Variants in ZMIZ2 observed in about 807,000 individuals in gnomAD.
The protein encoded by ZMIZ2 is zinc finger MIZ-type containing 2.
Under a neutral mutation model 93.9 loss-of-function variants are expected in ZMIZ2, and 26 were observed. That is an observed-to-expected ratio of 0.28 (90% CI 0.20 to 0.38). ZMIZ2 has a LOEUF of 0.38. ZMIZ2 is among the 10% of genes least tolerant of loss of function. ZMIZ2 has a pLI of 1.00. For synonymous variants in ZMIZ2, 485 were observed against 516.4 expected (o/e 0.94, Z 0.82); for missense variants, 1,023 against 1,235.0 (o/e 0.83, Z 2.57).
intron 1 of ZMIZ2, among the ~76,000 whole-genome samples, chr7:44,751,280 C>T (rs1415743952): frequency 1.3e-5 from 2 of 152,246 alleles, no homozygotes; most frequent in Admixed American, 1.3e-4. Context: ...ACTACAGTTC[C>T]TGGACCAGCA....
At chr7:44,760,815 C>T (rs531899747) in intron 9 of ZMIZ2, among the ~76,000 whole-genome samples, 7 of 147,634 alleles carry the variant, frequency 4.7e-5, no homozygotes, top group African/African-American at 1.8e-4. Flanking sequence ...TGCCACTGCA[C>T]TTCAACCTGG....
intron 11 of ZMIZ2, 109 bp downstream of exon 11, chr7:44,762,014 A>AGCG (rs2116827978): frequency 7.7e-7 from 1 of 1,305,262 alleles, no homozygotes; most frequent in East Asian, 2.9e-5. Flanking sequence ...GGCCTGGCCC[A>AGCG]GCGGCGCAGT....
At chr7:44,762,035 C>T (rs1458161867) in intron 11 of ZMIZ2, 130 bp downstream of exon 11, 33 of 1,231,580 alleles carry the variant, frequency 2.7e-5, no homozygotes, top group Non-Finnish European at 3.4e-5. Context: ...GGGAGCGGAG[C>T]CAGGACATGG....
In ZMIZ2 at chr7:44,769,331, CTG is replaced by C. The variant is rs1329020490; in HGVS notation, c.*1711_*1712del. ...GGAGGCACTAGAGGAGGGCATCTGT[CTG>C]TGGGAGCCCAGAGGCTGCAGGGAGG... On this transcript the variant is annotated 3_prime_UTR_variant, in exon 19 of 19. Coordinates refer to ENST00000309315, the MANE Select transcript of ZMIZ2 (RefSeq NM_031449.4). 8 of 152,836 alleles carry C rather than the reference CTG, an allele frequency of 5.2e-5. No homozygotes were observed. The highest frequency in any genetic ancestry group is 8.8e-5 in the Non-Finnish European group (6 of 68,356). 9.5% of individuals were successfully genotyped at this position (152,836 alleles called of 1,614,324 possible).
In ZMIZ2 at chr7:44,761,323, C is replaced by T; in HGVS notation, c.1241-126C>T. The T allele has an allele frequency of 6.9e-7, 1 of 1,453,642 alleles. No homozygotes were observed. Among genetic ancestry groups the T allele is most frequent in the Non-Finnish European group, 9.1e-7 (1 of 1,094,936 alleles). 90.0% of individuals were successfully genotyped at this position (1,453,642 alleles called of 1,614,324 possible). A position where few individuals can be genotyped will look rare whatever the true frequency, so the allele number is the denominator to read the frequency against. On this transcript the variant is annotated intron_variant, in intron 9 of 18. Coordinates refer to ENST00000309315, the MANE Select transcript of ZMIZ2 (RefSeq NM_031449.4). This position sits in a 1 kb window ranked among gnomAD's most constrained non-coding sequence, Gnocchi z 5.8. ...CTCAGGCCTGCCAAGCAGTGCCTGACAGGAGGGGCTCCCTTCACCAAGGTC... is the reference window on the plus strand; with the variant it reads ...CTCAGGCCTGCCAAGCAGTGCCTGATAGGAGGGGCTCCCTTCACCAAGGTC...
chr7:44,761,813 G>T lies in ZMIZ2; in HGVS notation c.1504G>T (p.Asp502Tyr). The stretch of plus-strand genomic sequence containing the variant: ...CACGCCGCTCACCATCGAGCGTGGC[G>T]ACAACAAGACCTCGCACAAGCCACT... Reference protein sequence around the residue: ...NATPLTIERGDNKTSHKPLYL... With the variant: ...NATPLTIERGYNKTSHKPLYL... The change falls in exon 11 of 19, where the codon GAC becomes TAC. Residue 502 changes from aspartate to tyrosine, a missense_variant. Transcript: ENST00000309315. The surrounding 1 kb of genome is among the most constrained non-coding windows in gnomAD (Gnocchi z 5.8). 1 of 1,613,718 alleles carries T rather than the reference G, an allele frequency of 6.2e-7. No homozygotes were observed. The highest frequency in any genetic ancestry group is 8.5e-7 in the Non-Finnish European group (1 of 1,180,016).
In ZMIZ2 at chr7:44,767,914, C is replaced by T. The variant is rs1791879298; in HGVS notation, c.*291C>T. The T allele has an allele frequency of 2.0e-6, 1 of 496,294 alleles. No homozygotes were observed. Among genetic ancestry groups the T allele is most frequent in the Non-Finnish European group, 3.7e-6 (1 of 270,028 alleles). The allele number at this position is 496,294 out of a possible 1,614,324, so 30.7% of individuals were successfully genotyped here. On this transcript the variant is annotated 3_prime_UTR_variant, in exon 19 of 19. Transcript: ENST00000309315. Reference sequence around the variant, plus strand: ...GCCCAGCCCTGTCCAGCCTTGTCCACACACACATCTCACGCCCCTGGTCTC... The same window carrying T: ...GCCCAGCCCTGTCCAGCCTTGTCCATACACACATCTCACGCCCCTGGTCTC...
Position 44,759,313 on chromosome 7 carries a change from C to T in ZMIZ2, c.846C>T (p.Gly282=). 1 of 1,583,150 alleles carries T rather than the reference C, an allele frequency of 6.3e-7. No individual in the cohort carries two copies. Among genetic ancestry groups the T allele is most frequent in the Admixed American group, 1.8e-5 (1 of 55,072 alleles). ...VYPGQQYLQG[G]QYAPSTAQFA... ...CAGGGCAGCAGTATCTGCAAGGAGG[C>T]CAGTATGCACCCAGCACCGCCCAGT... The change falls in exon 7 of 19, where the codon GGC becomes GGT. Residue 282 remains glycine (G), a synonymous_variant. Transcript: ENST00000309315.
Position 44,761,662 on chromosome 7 carries a change from G to C in ZMIZ2, c.1386-33G>C. ...TCCTCCTCCCACACTCTCAGGGCCC[G>C]TTTTCTGGGTGTCCACCCATCTTCC... On this transcript the variant is annotated intron_variant, in intron 10 of 18. Coordinates refer to ENST00000309315, the MANE Select transcript of ZMIZ2 (RefSeq NM_031449.4). The surrounding 1 kb of genome is among the most constrained non-coding windows in gnomAD (Gnocchi z 5.8). The C allele has an allele frequency of 6.2e-7, 1 of 1,613,630 alleles. No individual in the cohort carries two copies. The highest frequency in any genetic ancestry group is 8.5e-7 in the Non-Finnish European group (1 of 1,179,760).
rs1198969937 is a variant in ZMIZ2, at chr7:44,757,092, T to C, written c.311T>C (p.Val104Ala). 3.1e-6 allele frequency: 5 copies of C among 1,606,684 alleles called. No homozygotes were observed. Among genetic ancestry groups the C allele is most frequent in the Non-Finnish European group, 4.2e-6 (5 of 1,177,944 alleles). Residue 104 changes from valine to alanine, a missense_variant, in exon 4 of 19, where the codon GTG becomes GCG. Transcript: ENST00000309315. Reference protein sequence around the residue: ...FAEGGANKGYVQQGVYSRGGY... With the variant: ...FAEGGANKGYAQQGVYSRGGY... ...GAAGGCGGCGCCAACAAGGGCTACG[T>C]GCAGCAAGGCGTGTACAGCCGCGGG...
chr7:44,761,866 CCG>C lies in ZMIZ2; in HGVS notation c.1559_1560del (p.Arg520GlnfsTer42). On this transcript the variant is annotated frameshift_variant, in exon 11 of 19. Transcript: ENST00000309315. LOFTEE classifies it high-confidence loss of function. The surrounding 1 kb of genome is among the most constrained non-coding windows in gnomAD (Gnocchi z 5.8). ...LYLKHVCQPG[R>X]NTIQITVTAC... ...ACCTGAAGCATGTGTGCCAGCCAGG[CCG>C]CAACACCATCCAGATCACCGTCACC... The C allele has an allele frequency of 6.2e-7, 1 of 1,613,938 alleles. No homozygotes were observed. Among genetic ancestry groups the C allele is most frequent in the Non-Finnish European group, 8.5e-7 (1 of 1,180,020 alleles).
intron 1 of ZMIZ2, among the ~76,000 whole-genome samples, chr7:44,752,869 C>T (rs182523922): frequency 3.3e-4 from 51 of 152,314 alleles, no homozygotes; most frequent in African/African-American, 1.1e-3. Context: ...GAGATAAATG[C>T]GTACAAGTGC....
At position 44,760,523 on chromosome 7, in the gene ZMIZ2, C is replaced by G; in HGVS notation, c.1170C>G (p.Asn390Lys). ...PSSSVPYMSP[N>K]QEVKSPFLPD... ...GCAGCGTCCCTTACATGTCACCAAA[C>G]CAAGAGGTCAAGTCTCCCTTCTTGC... Residue 390 changes from asparagine to lysine, a missense_variant, in exon 9 of 19, where the codon AAC (asparagine) becomes AAG (lysine). Asn to Lys is a moderately conservative substitution (Grantham distance 94). Transcript: ENST00000309315. 6.2e-7 allele frequency: 1 copy of G among 1,614,148 alleles called. No homozygotes were observed. The highest frequency in any genetic ancestry group is 8.5e-7 in the Non-Finnish European group (1 of 1,180,022).
At chr7:44,764,134 G>A (rs1791465161) in intron 13 of ZMIZ2, among the ~76,000 whole-genome samples, 2 of 152,084 alleles carry the variant, frequency 1.3e-5, no homozygotes, top group Admixed American at 6.6e-5. Context: ...CGAGACTCTT[G>A]TCTCGAAACA....
chr7:44,764,190 T>G (rs1376589118), intron 13 of ZMIZ2, among the ~76,000 whole-genome samples: 1 of 152,198 alleles, frequency 6.6e-6, no homozygotes, highest in East Asian at 1.9e-4. Flanking sequence ...TCAGCACAGC[T>G]GCCCGATGCT....
rs1483812351 is a variant in ZMIZ2 at position 44,765,047 on chromosome 7, C to T, written c.1997+38C>T. On this transcript the variant is annotated intron_variant, in intron 15 of 18. Transcript: ENST00000309315. The surrounding 1 kb of genome is among the most constrained non-coding windows in gnomAD (Gnocchi z 4.1). ...TTCCTGTGATCCCTGCATCTGTGGC[C>T]ACTGGAGGGCAGCCCCAGGACATGT... 2.5e-6 allele frequency: 4 copies of T among 1,609,292 alleles called. No homozygotes were observed. In the African/African-American group the frequency reaches 4.0e-5, roughly 16 times the overall value.
In ZMIZ2 at chr7:44,763,708, A is replaced by G. The variant is rs1791425439; in HGVS notation, c.1860+295A>G. Reference sequence around the variant, plus strand: ...GTCCAGTCTTCCTGCCCTACCCCCAAGGGTGACCATCGTTAGCATCTGTCT... The same window carrying G: ...GTCCAGTCTTCCTGCCCTACCCCCAGGGGTGACCATCGTTAGCATCTGTCT... On this transcript the variant is annotated intron_variant, in intron 13 of 18. Transcript: ENST00000309315. This position sits in a 1 kb window ranked among gnomAD's most constrained non-coding sequence, Gnocchi z 5.6. 1 of 391,454 alleles carries G rather than the reference A, an allele frequency of 2.6e-6. No individual in the cohort carries two copies. The highest frequency in any genetic ancestry group is 4.6e-6 in the Non-Finnish European group (1 of 215,104). The allele number at this position is 391,454 out of a possible 1,614,324, so 24.2% of individuals were successfully genotyped here. A position where few individuals can be genotyped will look rare whatever the true frequency, so the allele number is the denominator to read the frequency against.
At chr7:44,748,813 C>A, upstream of ZMIZ2, 1 of 150,884 alleles carries the variant, frequency 6.6e-6, no homozygotes, top group South Asian at 1.8e-4. Flanking sequence ...TGCGCGGCGT[C>A]ATGCATATGC....
Position 44,766,212 on chromosome 7 carries a change from C to G in ZMIZ2, c.2291C>G (p.Thr764Ser), listed in dbSNP as rs760950316. 6.2e-7 allele frequency: 1 copy of G among 1,606,478 alleles called. No individual in the cohort carries two copies. Among genetic ancestry groups the G allele is most frequent in the Admixed American group, 1.7e-5 (1 of 59,426 alleles). ...PGTFPESFPP[T>S]TPSTPTLAEF... Reference sequence around the variant, plus strand: ...ACTTTCCCTGAGTCCTTCCCACCCACCACGCCCAGCACCCCAACCCTTGCT... The same window carrying G: ...ACTTTCCCTGAGTCCTTCCCACCCAGCACGCCCAGCACCCCAACCCTTGCT... The change falls in exon 17 of 19, where the codon ACC becomes AGC. Residue 764 changes from threonine to serine, a missense_variant. This residue lies in a region of ZMIZ2 where 319 missense variants were observed against 358.8 expected (regional missense o/e 0.89). Transcript: ENST00000309315. The surrounding 1 kb of genome is among the most constrained non-coding windows in gnomAD (Gnocchi z 4.4).
Sources: allele counts gnomAD v4.1 joint callset (sites outside exome capture counted in the v4.1 genomes callset), GRCh38; gene constraint gnomAD v4.1.1; regional missense constraint gnomAD v4.1.1; non-coding constraint Gnocchi (gnomAD v3.1); transcripts MANE v1.5; gene names NCBI Gene and HGNC (gene_info 2026-07-23, HGNC 2026-07-21).